Variants in FAM227B observed in about 807,000 individuals in gnomAD.
FAM227B encodes the protein protein FAM227B.
In FAM227B, 88 loss-of-function variants were observed where a neutral mutation model predicts 73.8. The observed-to-expected ratio is 1.19, with a 90% CI of 1.00 to 1.42. The LOEUF (loss-of-function observed/expected upper bound fraction) is 1.42. Among genes scored for constraint, FAM227B ranks in the 40% most tolerant of loss-of-function variants. The probability of loss-of-function intolerance (pLI) is 0.00; values close to 1 mark genes in which losing one functional copy is unlikely to be tolerated. For missense variants in FAM227B, 632 were observed against 590.9 expected, an observed-to-expected ratio of 1.07 and a Z score of -0.72; for synonymous variants, 210 against 190.5, an observed-to-expected ratio of 1.10 and a Z score of -0.84.
rs1287847356 is a variant in FAM227B, at chr15:49,565,159, G to A, written c.747+3086C>T. 9.2e-5 allele frequency among the ~76,000 whole-genome samples: 14 copies of A among 152,068 alleles called. No individual in the cohort carries two copies. The East Asian group carries it at 9.7e-4, about 10-fold the overall frequency. ...AGCACTTTGGGAGGCTGAGGTGGGC[G>A]GATCACGAGGTCAGGAGTTCAAGAA... On this transcript the variant is annotated intron_variant, in intron 9 of 15. Coordinates refer to ENST00000299338, the MANE Select transcript of FAM227B (RefSeq NM_152647.3).
At chr15:49,371,931 C>T (rs186501808) in intron 11 of FAM227B, among the ~76,000 whole-genome samples, 239 of 105,852 alleles carry the variant, frequency 2.3e-3, no homozygotes, top group African/African-American at 8.7e-3. Context: ...ATAAAATTCA[C>T]TTATAAATAA....
rs1334364543 is a variant in FAM227B, at chr15:49,489,879, TATATAGAG to T, written c.1012+18324_1012+18331del. Among the ~76,000 whole-genome samples the T allele has an allele frequency of 2.6e-3, 48 of 18,472 alleles. 5 individuals are homozygous for T. The highest frequency in any genetic ancestry group is 6.8e-3 in the Admixed American group (6 of 878). 12.1% of individuals were successfully genotyped at this position (18,472 alleles called of 152,430 possible). A position where few individuals can be genotyped will look rare whatever the true frequency, so the allele number is the denominator to read the frequency against. ...TATATTTTATATATATATATATATA[TATATAGAG>T]AGAGAGAGAGAGAGAGAGAGAGAGA... On this transcript the variant is annotated intron_variant, in intron 11 of 15. Coordinates refer to ENST00000299338, the MANE Select transcript of FAM227B (RefSeq NM_152647.3).
chr15:49,512,196 A>G (rs555614998), intron 10 of FAM227B, among the ~76,000 whole-genome samples: 3 of 152,292 alleles, frequency 2.0e-5, no homozygotes, highest in African/African-American at 7.2e-5. Context: ...AATGCATTGC[A>G]TTCAATGAAT....
At chr15:49,487,185 A>G (rs1299114434) in intron 11 of FAM227B, 1 of 151,880 alleles carries the variant, frequency 6.6e-6, no homozygotes. Flanking sequence ...AAAAGAAATT[A>G]TGTAGTTTTC....
chr15:49,585,295 A>G (rs1020220884), intron 5 of FAM227B, among the ~76,000 whole-genome samples: 1 of 152,208 alleles, frequency 6.6e-6, no homozygotes, highest in Non-Finnish European at 1.5e-5. Flanking sequence ...GATTCCTCAG[A>G]GATCTAGAAC....
At chr15:49,512,805 C>T (rs555674349) in intron 10 of FAM227B, among the ~76,000 whole-genome samples, 3 of 152,100 alleles carry the variant, frequency 2.0e-5, no homozygotes, top group Admixed American at 6.6e-5. Flanking sequence ...CCTGTGTCCA[C>T]GTGTTCTCAT....
intron 9 of FAM227B, among the ~76,000 whole-genome samples, chr15:49,560,030 C>CA: frequency 6.6e-6 from 1 of 151,736 alleles, no homozygotes; most frequent in South Asian, 2.1e-4. Flanking sequence ...GGTTCCTGAC[C>CA]AAAAAAGAAA....
intron 13 of FAM227B, chr15:49,365,339 A>T: frequency 6.4e-7 from 1 of 1,560,282 alleles, no homozygotes; most frequent in Non-Finnish European, 8.8e-7. Flanking sequence ...AAATGTAAGT[A>T]TCATGCCAAT....
At chr15:49,347,878 G>A (rs2041731805) in intron 13 of FAM227B, among the ~76,000 whole-genome samples, 1 of 152,024 alleles carries the variant, frequency 6.6e-6, no homozygotes, top group Non-Finnish European at 1.5e-5. Context: ...AATTAGCTGG[G>A]CGTGGTGGCA....
intron 11 of FAM227B, among the ~76,000 whole-genome samples, chr15:49,397,372 C>T (rs888546581): frequency 4.6e-5 from 7 of 152,130 alleles, no homozygotes; most frequent in Non-Finnish European, 7.4e-5. Context: ...CTACGTCTGA[C>T]TGGTGTACCT....
chr15:49,377,598 C>G (rs2046254031), intron 11 of FAM227B, among the ~76,000 whole-genome samples: 1 of 152,088 alleles, frequency 6.6e-6, no homozygotes, highest in Non-Finnish European at 1.5e-5. Context: ...TTGCATTTCT[C>G]TGATGATCAA....
chr15:49,537,202 T>C (rs541889979), intron 10 of FAM227B, among the ~76,000 whole-genome samples: 13 of 152,210 alleles, frequency 8.5e-5, no homozygotes, highest in African/African-American at 3.1e-4. Context: ...CTATAATTTA[T>C]AAAGAATTCA....
chr15:49,543,995 T>C (rs2071459163), intron 9 of FAM227B, among the ~76,000 whole-genome samples: 1 of 152,160 alleles, frequency 6.6e-6, no homozygotes, highest in Non-Finnish European at 1.5e-5. Context: ...TTTGGTTCCA[T>C]ATGAATTTTA....
At chr15:49,388,669 AAAAG>A (rs1301991408) in intron 11 of FAM227B, among the ~76,000 whole-genome samples, 2 of 152,052 alleles carry the variant, frequency 1.3e-5, no homozygotes, top group Non-Finnish European at 2.9e-5. Flanking sequence ...TCTGCACAAC[AAAAG>A]AAATAATTGA....
At chr15:49,451,052 GTTTAA>G (rs1187096116) in intron 11 of FAM227B, among the ~76,000 whole-genome samples, 1 of 151,936 alleles carries the variant, frequency 6.6e-6, no homozygotes, top group Non-Finnish European at 1.5e-5. Context: ...TTAAATGACA[GTTTAA>G]TTCAATCAAA....
At chr15:49,546,118 C>T (rs2071830648) in intron 9 of FAM227B, among the ~76,000 whole-genome samples, 1 of 152,040 alleles carries the variant, frequency 6.6e-6, no homozygotes, top group Admixed American at 6.6e-5. Flanking sequence ...CTCCCCTCAC[C>T]CCACAACAGG....
chr15:49,577,056 G>A lies in FAM227B; in HGVS notation c.442-211C>T. 2 of 433,546 alleles carry A rather than the reference G, an allele frequency of 4.6e-6. 1 individual carries two copies. Among genetic ancestry groups the A allele is most frequent in the Non-Finnish European group, 8.2e-6 (2 of 244,634 alleles). The allele number at this position is 433,546 out of a possible 1,614,324, so 26.9% of individuals were successfully genotyped here. ...TCACGCCTGTAATCCCACCACACTG[G>A]GAGGCTGAAGTGGGTGGATCACTTG... On this transcript the variant is annotated intron_variant, in intron 6 of 15. Transcript: ENST00000299338.
At chr15:49,612,701 TG>T (rs2078023130) in intron 2 of FAM227B, among the ~76,000 whole-genome samples, 2 of 152,136 alleles carry the variant, frequency 1.3e-5, no homozygotes, top group African/African-American at 4.8e-5. Flanking sequence ...CTGAAAAGAT[TG>T]TACTACATTT....
At chr15:49,480,780 GCCATCC>G (rs1160266595) in intron 11 of FAM227B, among the ~76,000 whole-genome samples, 1 of 152,172 alleles carries the variant, frequency 6.6e-6, no homozygotes, top group Non-Finnish European at 1.5e-5. Context: ...ACCACATCCA[GCCATCC>G]CCTTTGTAAA....
Sources: gnomAD v4.1 joint callset for allele counts (sites outside exome capture counted in the v4.1 genomes callset) on GRCh38, gnomAD v4.1.1 for gene constraint, MANE v1.5 for transcripts, NCBI Gene and HGNC (gene_info 2026-07-23, HGNC 2026-07-21) for gene names.